Variants in DACH1 observed in about 807,000 individuals in gnomAD.
DACH1 encodes dachshund homolog 1.
DACH1 carries 12 observed loss-of-function variants against 54.2 expected under a neutral mutation model. The observed-to-expected ratio is 0.22, with a 90% CI of 0.14 to 0.36. The LOEUF is 0.36. DACH1 is among the 10% of genes least tolerant of loss of function. The pLI is 1.00. For missense variants in DACH1, 805 were observed against 929.8 expected, an observed-to-expected ratio of 0.87 and a Z score of 1.75; for synonymous variants, 386 against 366.2, an observed-to-expected ratio of 1.05 and a Z score of -0.62.
At chr13:71,503,817 T>A (rs1880107688) in intron 6 of DACH1, among the ~76,000 whole-genome samples, 1 of 152,232 alleles carries the variant, frequency 6.6e-6, no homozygotes, top group African/African-American at 2.4e-5. Context: ...GACCTTTATA[T>A]CCCTTTTACC....
At chr13:71,700,584 A>AAG (rs67368718) in intron 1 of DACH1, among the ~76,000 whole-genome samples, 26 of 109,728 alleles carry the variant, frequency 2.4e-4, no homozygotes, top group Middle Eastern at 5.7e-3. Context: ...AAAAAAAAAA[A>AAG]AGAGAGAGAG....
At chr13:71,863,819 T>C (rs1874511090) in intron 1 of DACH1, among the ~76,000 whole-genome samples, 1 of 149,496 alleles carries the variant, frequency 6.7e-6, no homozygotes, top group Non-Finnish European at 1.5e-5. Flanking sequence ...CCTTTAATTA[T>C]CTAGTATCTA....
At chr13:71,629,925 C>G (rs112233585) in intron 3 of DACH1, among the ~76,000 whole-genome samples, 2 of 151,966 alleles carry the variant, frequency 1.3e-5, no homozygotes, top group Admixed American at 1.3e-4. Context: ...ATGAATTACC[C>G]AAATGGATAG....
intron 1 of DACH1, among the ~76,000 whole-genome samples, chr13:71,739,559 A>G (rs1018342023): frequency 4.5e-5 from 5 of 110,946 alleles, no homozygotes; most frequent in African/African-American, 1.2e-4. Context: ...AAAGTTGTCA[A>G]GTACTTTACA....
At chr13:71,614,770 C>T (rs1400294267) in intron 3 of DACH1, among the ~76,000 whole-genome samples, 1 of 148,688 alleles carries the variant, frequency 6.7e-6, no homozygotes, top group Admixed American at 6.8e-5. Flanking sequence ...AGGAGGATTA[C>T]TTGAGCTCAG....
intron 1 of DACH1, among the ~76,000 whole-genome samples, chr13:71,744,401 A>T (rs922786982): frequency 6.6e-6 from 1 of 152,186 alleles, no homozygotes; most frequent in African/African-American, 2.4e-5. Context: ...CCAGAGGTAA[A>T]ATCTGAAAGC....
chr13:71,644,613 C>T (rs918214160), intron 2 of DACH1, among the ~76,000 whole-genome samples: 20 of 152,176 alleles, frequency 1.3e-4, no homozygotes, highest in Admixed American at 3.9e-4. Flanking sequence ...TCTGTACTAA[C>T]GGGGCCCTCT....
intron 1 of DACH1, among the ~76,000 whole-genome samples, chr13:71,684,939 T>C (rs1397929646): frequency 6.6e-6 from 1 of 152,146 alleles, no homozygotes; most frequent in East Asian, 1.9e-4. Context: ...CTAAATATAC[T>C]TCTCAAGCCC....
chr13:71,817,497 C>T (rs1171246857), intron 1 of DACH1, among the ~76,000 whole-genome samples: 1 of 152,170 alleles, frequency 6.6e-6, no homozygotes, highest in Non-Finnish European at 1.5e-5. Flanking sequence ...TAGGGACACA[C>T]CAGGGAACTA....
chr13:71,535,471 AG>A (rs1417090014), intron 6 of DACH1, among the ~76,000 whole-genome samples: 1 of 151,996 alleles, frequency 6.6e-6, no homozygotes, highest in African/African-American at 2.4e-5. Context: ...TCATGAAATA[AG>A]GAGACAGACT....
At chr13:71,852,734 T>C (rs540740840) in intron 1 of DACH1, among the ~76,000 whole-genome samples, 2 of 152,312 alleles carry the variant, frequency 1.3e-5, no homozygotes, top group South Asian at 2.1e-4. Context: ...TAAGGACATA[T>C]GAGCCACAAA....
chr13:71,653,868 C>T (rs375032613), intron 2 of DACH1, among the ~76,000 whole-genome samples: 5 of 151,844 alleles, frequency 3.3e-5, no homozygotes, highest in East Asian at 1.9e-4. Context: ...AATACTGTGA[C>T]GTATATTTGA....
At chr13:71,554,836 A>T (rs950723781) in intron 6 of DACH1, among the ~76,000 whole-genome samples, 4 of 152,286 alleles carry the variant, frequency 2.6e-5, no homozygotes, top group Admixed American at 2.0e-4. Context: ...ACAGTGGCAA[A>T]ATTATAATAA....
chr13:71,793,481 T>A (rs763479855), intron 1 of DACH1, among the ~76,000 whole-genome samples: 1 of 152,328 alleles, frequency 6.6e-6, no homozygotes, highest in South Asian at 2.1e-4. Context: ...GGGAAGTAAG[T>A]ATGTGAACAT....
At chr13:71,511,291 G>GA (rs1381626278) in intron 6 of DACH1, among the ~76,000 whole-genome samples, 2 of 151,760 alleles carry the variant, frequency 1.3e-5, no homozygotes, top group Non-Finnish European at 1.5e-5. Context: ...AAGAGATTGA[G>GA]AAAAAAATTT....
chr13:71,761,035 C>G (rs1885381642), intron 1 of DACH1, among the ~76,000 whole-genome samples: 1 of 151,880 alleles, frequency 6.6e-6, no homozygotes, highest in East Asian at 1.9e-4. Context: ...ATCTACTACT[C>G]TTTTACTCCG....
intron 10 of DACH1, among the ~76,000 whole-genome samples, chr13:71,458,695 C>T (rs1052709023): frequency 6.6e-6 from 1 of 151,790 alleles, no homozygotes; most frequent in African/African-American, 2.4e-5. Flanking sequence ...AATATTTAGA[C>T]ACACATACAC....
At chr13:71,478,726 T>C (rs2138181183) in intron 8 of DACH1, among the ~76,000 whole-genome samples, 1 of 152,348 alleles carries the variant, frequency 6.6e-6, no homozygotes, top group African/African-American at 2.4e-5. Context: ...GTTCAGATAT[T>C]CATCCATTTT....
At position 71,704,156 on chromosome 13, in the gene DACH1, C is replaced by T. The variant is rs116224532; in HGVS notation, c.849-22246G>A. 1,281 of 192,504 alleles carry T rather than the reference C, an allele frequency of 6.7e-3. 18 individuals are homozygous for T. Among genetic ancestry groups the T allele is most frequent in the African/African-American group, 0.028 (1,176 of 42,128 alleles). 11.9% of individuals were successfully genotyped at this position (192,504 alleles called of 1,614,324 possible). Reference sequence around the variant, plus strand: ...TCAATGCAGTCCTTTTTTCTGGACCCGCCATCTTCCAGTAATTCATCAAAA... The same window carrying T: ...TCAATGCAGTCCTTTTTTCTGGACCTGCCATCTTCCAGTAATTCATCAAAA... On this transcript the variant is annotated intron_variant, in intron 1 of 10. Transcript: ENST00000613252.
Sources: gnomAD v4.1 joint callset for allele counts (sites outside exome capture counted in the v4.1 genomes callset) on GRCh38, gnomAD v4.1.1 for gene constraint, MANE v1.5 for transcripts, NCBI Gene and HGNC (gene_info 2026-07-23, HGNC 2026-07-21) for gene names.